Variants in NRXN3 observed in about 807,000 individuals in gnomAD.
NRXN3 encodes the protein neurexin 3.
NRXN3 carries 32 observed loss-of-function variants against 137.6 expected under a neutral mutation model. The observed-to-expected ratio is 0.23, with a 90% confidence interval of 0.18 to 0.31. NRXN3 has a LOEUF of 0.31. NRXN3 is among the 10% of genes least tolerant of loss of function. The pLI is 1.00. For missense variants in NRXN3, 1,574 were observed against 2,062.5 expected, an observed-to-expected ratio of 0.76 and a Z score of 4.59; for synonymous variants, 798 against 784.5, an observed-to-expected ratio of 1.02 and a Z score of -0.29.
At chr14:79,366,513 A>G (rs1466434235) in intron 15 of NRXN3, among the ~76,000 whole-genome samples, 1 of 151,966 alleles carries the variant, frequency 6.6e-6, no homozygotes, top group Non-Finnish European at 1.5e-5. Flanking sequence ...CTCTATCTTC[A>G]TGAGTTCAAT....
chr14:78,645,187 G>A lies in NRXN3; in HGVS notation c.825G>A (p.Pro275=), dbSNP rs764303359. 6.6e-5 allele frequency: 105 copies of A among 1,595,800 alleles called. No homozygotes were observed. The highest frequency in any genetic ancestry group is 5.6e-4 in the African/African-American group (42 of 74,886). The change falls in exon 5 of 21, where the codon CCG becomes CCA. Residue 275 remains proline, a synonymous_variant. Coordinates refer to ENST00000335750, the MANE Select transcript of NRXN3 (RefSeq NM_001330195.2). ...EYLCYDLSQN[P]IQSSSDEITL... ...TGTGCTACGACCTGTCTCAGAACCC[G>A]ATCCAGAGCAGCAGTGATGAAATCA...
At position 78,562,138 on chromosome 14, in the gene NRXN3, C is replaced by T. The variant is rs899669196; in HGVS notation, c.758-82982C>T. Among the ~76,000 whole-genome samples the T allele has an allele frequency of 2.6e-4, 40 of 152,102 alleles. 1 individual carries two copies. The highest frequency in any genetic ancestry group is 2.2e-3 in the Admixed American group (33 of 15,282). On this transcript the variant is annotated intron_variant, in intron 4 of 20. Coordinates refer to ENST00000335750, the MANE Select transcript of NRXN3 (RefSeq NM_001330195.2). The stretch of plus-strand genomic sequence containing the variant: ...GGCAGGTGGGGCACGATGTCTCACG[C>T]CTGTAATCCCAGCACTTTGGGAGGC...
chr14:78,380,757 A>T (rs1053183844), intron 4 of NRXN3, among the ~76,000 whole-genome samples: 1 of 150,568 alleles, frequency 6.6e-6, no homozygotes, highest in Non-Finnish European at 1.5e-5. Flanking sequence ...ACTAATACAC[A>T]GGTTGAACAC....
At chr14:79,083,909 A>G (rs967314252) in intron 15 of NRXN3, among the ~76,000 whole-genome samples, 1 of 151,926 alleles carries the variant, frequency 6.6e-6, no homozygotes, top group African/African-American at 2.4e-5. Flanking sequence ...TTTTTTGTTT[A>G]TTTGTTTGTT....
At chr14:78,528,003 G>A (rs1455919194) in intron 4 of NRXN3, among the ~76,000 whole-genome samples, 2 of 152,216 alleles carry the variant, frequency 1.3e-5, no homozygotes, top group African/African-American at 2.4e-5. Flanking sequence ...CTGCTGCTTA[G>A]CATATCCATG....
At chr14:79,805,815 C>G (rs1265943803) in intron 20 of NRXN3, among the ~76,000 whole-genome samples, 2 of 152,048 alleles carry the variant, frequency 1.3e-5, no homozygotes, top group Admixed American at 6.6e-5. Context: ...TGTACCATGC[C>G]GTGTCAACAG....
intron 16 of NRXN3, among the ~76,000 whole-genome samples, chr14:79,583,059 A>G (rs1036189038): frequency 6.6e-6 from 1 of 152,232 alleles, no homozygotes. Flanking sequence ...ATAAAAATCT[A>G]AAACACACAA....
intron 15 of NRXN3, among the ~76,000 whole-genome samples, chr14:79,282,179 A>C (rs535457842): frequency 6.6e-6 from 1 of 151,578 alleles, no homozygotes; most frequent in African/African-American, 2.4e-5. Context: ...TTTCATTGAC[A>C]TGGAAACTTA....
At chr14:79,840,695 G>T (rs2099354086) in intron 20 of NRXN3, among the ~76,000 whole-genome samples, 1 of 152,230 alleles carries the variant, frequency 6.6e-6, no homozygotes, top group Non-Finnish European at 1.5e-5. Flanking sequence ...GCTATGTAAG[G>T]TGTAATTATA....
chr14:78,424,712 G>A (rs1249633546), intron 4 of NRXN3, among the ~76,000 whole-genome samples: 1 of 152,150 alleles, frequency 6.6e-6, no homozygotes, highest in Non-Finnish European at 1.5e-5. Flanking sequence ...TGAATCTCTG[G>A]GTTGACTCAG....
At chr14:78,533,390 T>C (rs1009892870) in intron 4 of NRXN3, among the ~76,000 whole-genome samples, 2 of 152,170 alleles carry the variant, frequency 1.3e-5, no homozygotes, top group African/African-American at 4.8e-5. Flanking sequence ...GTATCACTAG[T>C]GTACACCCTC....
chr14:79,698,001 T>C, intron 19 of NRXN3, 64 bp downstream of exon 19: 1 of 1,434,870 alleles, frequency 7.0e-7, no homozygotes, highest in Non-Finnish European at 9.7e-7. Flanking sequence ...GTTATCATGG[T>C]CATTGCTTTA....
chr14:79,667,944 C>G (rs1424594638), intron 17 of NRXN3, among the ~76,000 whole-genome samples: 1 of 151,938 alleles, frequency 6.6e-6, no homozygotes, highest in East Asian at 1.9e-4. Flanking sequence ...CTGTAAGATC[C>G]CTGAGCATGG....
intron 5 of NRXN3, chr14:78,649,335 C>CT (rs748247295): frequency 4.6e-6 from 6 of 1,299,222 alleles, no homozygotes; most frequent in East Asian, 5.2e-5. Context: ...CTTATTGTCT[C>CT]TTTTTTTGGG....
At chr14:78,343,335 A>G (rs1319496116) in intron 4 of NRXN3, among the ~76,000 whole-genome samples, 1 of 152,206 alleles carries the variant, frequency 6.6e-6, no homozygotes, top group Non-Finnish European at 1.5e-5. Context: ...AAATGGCACA[A>G]AACTGAATTT....
chr14:79,695,278 A>G (rs1179863483), intron 18 of NRXN3, among the ~76,000 whole-genome samples: 3 of 152,016 alleles, frequency 2.0e-5, no homozygotes, highest in Non-Finnish European at 4.4e-5. Context: ...GAGAGATAAG[A>G]TGAGAACTAT....
chr14:78,610,293 A>T (rs775289565), intron 4 of NRXN3, among the ~76,000 whole-genome samples: 8 of 152,202 alleles, frequency 5.3e-5, no homozygotes, highest in Non-Finnish European at 1.2e-4. Flanking sequence ...TAATAAGTTC[A>T]TTTTTATTAT....
chr14:78,673,255 T>A (rs780129586), intron 6 of NRXN3, among the ~76,000 whole-genome samples: 1 of 152,226 alleles, frequency 6.6e-6, no homozygotes, highest in Non-Finnish European at 1.5e-5. Context: ...CAAACCTGCA[T>A]GGGCAAGATT....
rs148623277 is a variant in NRXN3, at chr14:79,507,201, A to T, written c.3444+39799A>T. On this transcript the variant is annotated intron_variant, in intron 16 of 20. Transcript: ENST00000335750. ...TAACTTGGAAGGAAAAATGACACTG[A>T]GCTATAGGAAGAGAAGAATAGAACA... 4.6e-5 allele frequency among the ~76,000 whole-genome samples: 7 copies of T among 152,326 alleles called. No individual in the cohort carries two copies. In the East Asian group the frequency reaches 1.4e-3, roughly 29 times the overall value.
Sources: allele counts gnomAD v4.1 joint callset (sites outside exome capture counted in the v4.1 genomes callset), GRCh38; gene constraint gnomAD v4.1.1; transcripts MANE v1.5; gene names NCBI Gene and HGNC (gene_info 2026-07-23, HGNC 2026-07-21).